The following SOX6 variants were observed in gnomAD, a reference collection of about 807,000 sequenced individuals.
The protein encoded by SOX6 is SRY-box transcription factor 6.
Under a neutral mutation model 97.8 loss-of-function variants are expected in SOX6, and 11 were observed. The ratio of observed to expected loss-of-function variants is 0.11; its 90% CI spans 0.07 to 0.19. The LOEUF (loss-of-function observed/expected upper bound fraction) is 0.19. Among genes scored for constraint, SOX6 ranks in the 10% least tolerant of loss-of-function variants. The pLI, the probability that SOX6 is intolerant of heterozygous loss-of-function variation, is 1.00. For synonymous variants in SOX6, 360 were observed against 371.4 expected, an observed-to-expected ratio of 0.97 and a Z score of 0.35; for missense variants, 810 against 1,039.5, an observed-to-expected ratio of 0.78 and a Z score of 3.04.
intron 4 of SOX6, among the ~76,000 whole-genome samples, chr11:16,522,263 C>A (rs1861079780): frequency 6.6e-6 from 1 of 152,126 alleles, no homozygotes; most frequent in African/African-American, 2.4e-5. Flanking sequence ...GGAAGCCCAT[C>A]AGACTAACAG....
At chr11:16,539,636 G>T (rs1200090763) in intron 4 of SOX6, among the ~76,000 whole-genome samples, 1 of 151,990 alleles carries the variant, frequency 6.6e-6, no homozygotes. Flanking sequence ...TGATAAAGGG[G>T]ATATCACCAC....
chr11:16,679,938 C>G (rs1397901493), intron 3 of SOX6, among the ~76,000 whole-genome samples: 2 of 152,136 alleles, frequency 1.3e-5, no homozygotes, highest in African/African-American at 4.8e-5. Flanking sequence ...TGAACAAATC[C>G]TCCAAGAAAT....
intron 11 of SOX6, 28 bp downstream of exon 11, chr11:16,049,727 T>G (rs1414362877): frequency 1.9e-6 from 3 of 1,612,278 alleles, no homozygotes. Flanking sequence ...TTCGTAAGTC[T>G]CTTCCTGGTG....
intron 4 of SOX6, chr11:16,606,103 C>A (rs1389972671): frequency 6.6e-6 from 1 of 151,516 alleles, no homozygotes; most frequent in Admixed American, 6.6e-5. Flanking sequence ...GCACTCCAGT[C>A]GTCAGTCGGC....
chr11:15,996,198 T>C (rs1456643007), intron 13 of SOX6, among the ~76,000 whole-genome samples: 1 of 152,204 alleles, frequency 6.6e-6, no homozygotes, highest in African/African-American at 2.4e-5. Flanking sequence ...AACAATAGCA[T>C]ATTACCACAA....
chr11:16,626,249 A>C (rs1222404639), intron 3 of SOX6, among the ~76,000 whole-genome samples: 2 of 152,234 alleles, frequency 1.3e-5, no homozygotes, highest in Non-Finnish European at 2.9e-5. Context: ...TTTACTTCCA[A>C]CAGGCGAAGC....
intron 4 of SOX6, among the ~76,000 whole-genome samples, chr11:16,514,001 A>G (rs1860921699): frequency 6.6e-6 from 1 of 151,840 alleles, no homozygotes; most frequent in South Asian, 2.1e-4. Flanking sequence ...GCTTGAGCAC[A>G]GGAGTTTGAG....
At chr11:16,420,625 G>A (rs1174432549) in intron 1 of SOX6, among the ~76,000 whole-genome samples, 3 of 152,088 alleles carry the variant, frequency 2.0e-5, no homozygotes, top group Non-Finnish European at 2.9e-5. Flanking sequence ...TCACAAACTA[G>A]TTTTTTAAAA....
chr11:16,016,329 G>T (rs1230197774), intron 12 of SOX6, among the ~76,000 whole-genome samples: 1 of 152,010 alleles, frequency 6.6e-6, no homozygotes, highest in East Asian at 1.9e-4. Flanking sequence ...TGAAATCTGT[G>T]TTGGAAGAAA....
At chr11:16,001,145 G>C (rs192980127) in intron 13 of SOX6, among the ~76,000 whole-genome samples, 1 of 152,060 alleles carries the variant, frequency 6.6e-6, no homozygotes, top group Non-Finnish European at 1.5e-5. Context: ...GATTACAGAC[G>C]TGAGCCACTG....
At chr11:16,244,285 T>C (rs1368819826) in intron 3 of SOX6, among the ~76,000 whole-genome samples, 1 of 151,912 alleles carries the variant, frequency 6.6e-6, no homozygotes, top group Non-Finnish European at 1.5e-5. Context: ...CATATTTTCA[T>C]ATGCTTTTTG....
At chr11:16,226,372 C>G (rs868127357) in intron 4 of SOX6, among the ~76,000 whole-genome samples, 1 of 150,226 alleles carries the variant, frequency 6.7e-6, no homozygotes, top group African/African-American at 2.4e-5. Context: ...GTGTGTTTGT[C>G]AAACACAAGC....
At chr11:16,301,544 G>A (rs956990848) in intron 3 of SOX6, among the ~76,000 whole-genome samples, 8 of 152,142 alleles carry the variant, frequency 5.3e-5, no homozygotes, top group African/African-American at 1.9e-4. Context: ...CTTCAAACAA[G>A]CTCCCAGGTG....
intron 5 of SOX6, among the ~76,000 whole-genome samples, chr11:16,185,959 T>C (rs975444460): frequency 2.0e-5 from 3 of 152,298 alleles, no homozygotes; most frequent in Middle Eastern, 6.8e-3. Context: ...CCAGTAATAA[T>C]GTCAGATTCC....
rs561202077 is a variant in SOX6, at chr11:16,153,223, G to T, written c.777+30663C>A. The stretch of plus-strand genomic sequence containing the variant: ...GGGGTTTACCATGTTGGCCAGGCTG[G>T]TCTCAAACTCCTAACCTCAAGTGAT... On this transcript the variant is annotated intron_variant, in intron 6 of 15. Coordinates refer to ENST00000683767, the MANE Select transcript of SOX6 (RefSeq NM_001367873.1). Among the ~76,000 whole-genome samples, 3 of 151,736 alleles carry T rather than the reference G, an allele frequency of 2.0e-5. No individual in the cohort carries two copies. In the East Asian group the frequency reaches 5.8e-4, roughly 30 times the overall value.
chr11:16,320,770 ATATAT>A (rs1369961236), intron 2 of SOX6, among the ~76,000 whole-genome samples: 5 of 152,198 alleles, frequency 3.3e-5, no homozygotes, highest in African/African-American at 1.2e-4. Flanking sequence ...TATATGGTAC[ATATAT>A]TATATCTCAA....
chr11:16,327,580 T>A (rs1357438117), intron 2 of SOX6, among the ~76,000 whole-genome samples: 1 of 152,150 alleles, frequency 6.6e-6, no homozygotes, highest in Non-Finnish European at 1.5e-5. Flanking sequence ...TTCTTATTTA[T>A]CCTATCTGCA....
chr11:16,461,237 T>C (rs1859919684), intron 1 of SOX6, among the ~76,000 whole-genome samples: 2 of 152,166 alleles, frequency 1.3e-5, no homozygotes, highest in Admixed American at 1.3e-4. Flanking sequence ...TTACCAGTCT[T>C]ATTCATCGCT....
chr11:16,645,008 G>A (rs747367894), intron 3 of SOX6, among the ~76,000 whole-genome samples: 25 of 152,114 alleles, frequency 1.6e-4, no homozygotes, highest in Non-Finnish European at 2.6e-4. Flanking sequence ...TTTTAATTAC[G>A]TCTTTTCCCT....
Sources: allele counts gnomAD v4.1 joint callset (sites outside exome capture counted in the v4.1 genomes callset), GRCh38; gene constraint gnomAD v4.1.1; transcripts MANE v1.5; gene names NCBI Gene and HGNC (gene_info 2026-07-23, HGNC 2026-07-21).